PAQR3: variants seen among roughly 807,000 people sequenced by gnomAD.
PAQR3 encodes the protein Raf kinase trapping to Golgi.
Under a neutral mutation model 41.7 loss-of-function variants are expected in PAQR3, and 39 were observed. That is an observed-to-expected ratio of 0.93 (90% CI 0.72 to 1.22). PAQR3 has a LOEUF of 1.22. Ranked by LOEUF, PAQR3 falls within the 50% of genes most tolerant of loss-of-function variation. PAQR3 has a pLI of 0.00. For synonymous variants in PAQR3, 140 were observed against 140.6 expected, an observed-to-expected ratio of 1.00 and a Z score of 0.03; for missense variants, 366 against 385.6, an observed-to-expected ratio of 0.95 and a Z score of 0.42.
At chr4:78,898,598 AATC>A (rs575756375) in intron 11 of PAQR3, among the ~76,000 whole-genome samples, 521 of 150,632 alleles carry the variant, frequency 3.5e-3, no homozygotes, top group Non-Finnish European at 6.1e-3. Flanking sequence ...CTGTATATCT[AATC>A]ATATTCCTTT....
chr4:78,924,975 T>G (rs968680480), intron 4 of PAQR3, among the ~76,000 whole-genome samples: 4 of 152,172 alleles, frequency 2.6e-5, no homozygotes, highest in Non-Finnish European at 5.9e-5. Flanking sequence ...AACTTGATCT[T>G]GCCTCCCAAG....
At chr4:78,904,898 C>T (rs1018687154) in intron 11 of PAQR3, among the ~76,000 whole-genome samples, 29 of 151,610 alleles carry the variant, frequency 1.9e-4, no homozygotes, top group African/African-American at 6.8e-4. Context: ...GTTATAATTC[C>T]ATCTACAATA....
intron 1 of PAQR3, among the ~76,000 whole-genome samples, chr4:78,935,754 C>G (rs993209495): frequency 2.0e-5 from 3 of 152,202 alleles, no homozygotes; most frequent in Admixed American, 2.0e-4. Context: ...CAAGGTTAGG[C>G]ATCATCTTAA....
intron 5 of PAQR3, 29 bp from the exon 6 acceptor site, chr4:78,920,710 A>C: frequency 6.3e-7 from 1 of 1,588,152 alleles, no homozygotes; most frequent in Non-Finnish European, 8.6e-7. Flanking sequence ...GAAAATGATA[A>C]TGATTTCAAT....
In PAQR3 at chr4:78,919,696, G is replaced by A. The variant is rs576520890; in HGVS notation, c.*843C>T. 36 of 985,140 alleles carry A rather than the reference G, an allele frequency of 3.7e-5. No individual in the cohort carries two copies. Among genetic ancestry groups the A allele is most frequent in the Admixed American group, 1.2e-4 (2 of 16,206 alleles). 61.0% of individuals were successfully genotyped at this position (985,140 alleles called of 1,614,324 possible). A position where few individuals can be genotyped will look rare whatever the true frequency, so the allele number is the denominator to read the frequency against. ...TGGGATATTCAGGACTACAAATTCA[G>A]AGAGTTGAAAGCTCTGGAATTTTGG... On this transcript the variant is annotated 3_prime_UTR_variant, in exon 6 of 6. Transcript: ENST00000512733.
At chr4:78,931,388 T>C (rs1021560053) in intron 2 of PAQR3, among the ~76,000 whole-genome samples, 1 of 151,898 alleles carries the variant, frequency 6.6e-6, no homozygotes. Flanking sequence ...CAGAGTGAGA[T>C]CCTGTCTCAA....
chr4:78,899,962 G>C (rs1332470201), intron 11 of PAQR3, among the ~76,000 whole-genome samples: 1 of 152,144 alleles, frequency 6.6e-6, no homozygotes, highest in Non-Finnish European at 1.5e-5. Flanking sequence ...AAAATTATAT[G>C]ATGTGAGAGT....
rs1355897185 is a variant in PAQR3, at chr4:78,918,571, G to A, written c.*1968C>T. 4.1e-6 allele frequency: 4 copies of A among 974,684 alleles called. No homozygotes were observed. Among genetic ancestry groups the A allele is most frequent in the Non-Finnish European group, 4.9e-6 (4 of 820,014 alleles). 60.4% of individuals were successfully genotyped at this position (974,684 alleles called of 1,614,324 possible). A position where few individuals can be genotyped will look rare whatever the true frequency, so the allele number is the denominator to read the frequency against. On this transcript the variant is annotated 3_prime_UTR_variant, in exon 6 of 6. Transcript: ENST00000512733. Reference sequence around the variant, plus strand: ...AATAATTTTCCCTACAGAAAGACCTGTACACCCTTTAAATTCAAAGAAACA... The same window carrying A: ...AATAATTTTCCCTACAGAAAGACCTATACACCCTTTAAATTCAAAGAAACA...
chr4:78,923,351 C>CT (rs755568117), intron 5 of PAQR3, among the ~76,000 whole-genome samples: 1 of 151,402 alleles, frequency 6.6e-6, no homozygotes, highest in East Asian at 1.9e-4. Flanking sequence ...TATTATTATA[C>CT]TTTAAGTTCT....
chr4:78,888,356 C>T (rs1733218691), intron 11 of PAQR3, among the ~76,000 whole-genome samples: 1 of 152,062 alleles, frequency 6.6e-6, no homozygotes, highest in South Asian at 2.1e-4. Context: ...CCCCCAATAC[C>T]CTGGGTAATG....
chr4:78,905,158 C>A (rs1219114433), intron 11 of PAQR3, among the ~76,000 whole-genome samples: 2 of 151,452 alleles, frequency 1.3e-5, no homozygotes, highest in Non-Finnish European at 1.5e-5. Context: ...ATTGATTAAC[C>A]CTTTCGTTAA....
chr4:78,920,753 G>A (rs1164375081), intron 5 of PAQR3, 72 bp from the exon 6 acceptor site: 3 of 1,488,536 alleles, frequency 2.0e-6, no homozygotes, highest in Non-Finnish European at 2.7e-6. Context: ...ATATTTCTTG[G>A]AAGTATAGCT....
downstream of PAQR3, among the ~76,000 whole-genome samples, chr4:78,907,594 A>AT (rs1273627934): frequency 1.3e-5 from 2 of 152,352 alleles, no homozygotes; most frequent in South Asian, 2.1e-4. Flanking sequence ...TTACATGTAA[A>AT]TAAAAGGGTA....
chr4:78,932,972 A>T, intron 2 of PAQR3: 1 of 337,048 alleles, frequency 3.0e-6, no homozygotes, highest in Non-Finnish European at 6.0e-6. Flanking sequence ...TTCACATCGA[A>T]ACTCCTTGGC....
chr4:78,938,498 C>T (rs931302138), intron 1 of PAQR3, among the ~76,000 whole-genome samples: 6 of 152,146 alleles, frequency 3.9e-5, no homozygotes, highest in Admixed American at 3.9e-4. Flanking sequence ...GTGTAATTAT[C>T]TATTTAATGT....
At chr4:78,924,140 C>G (rs1160373086) in intron 4 of PAQR3, among the ~76,000 whole-genome samples, 193 bp from the exon 5 acceptor site, 1 of 152,122 alleles carries the variant, frequency 6.6e-6, no homozygotes, top group African/African-American at 2.4e-5. Flanking sequence ...CTCTAACGGT[C>G]AGGCTCCTAA....
downstream of PAQR3, chr4:78,911,787 A>T: frequency 1.2e-6 from 2 of 1,613,984 alleles, no homozygotes; most frequent in Non-Finnish European, 1.7e-6. Flanking sequence ...CAGACCTGTC[A>T]TGGCACCCTC....
In PAQR3 at chr4:78,919,173, T is replaced by G. The variant is rs75987156; in HGVS notation, c.*1366A>C. The G allele has an allele frequency of 1.1e-3, 1,063 of 985,134 alleles. 8 individuals are homozygous for G. The African/African-American group carries it at 0.017, about 16-fold the overall frequency. The allele number at this position is 985,134 out of a possible 1,614,324, so 61.0% of individuals were successfully genotyped here. ...AGTATCATATGCACAAAAGGCATTT[T>G]GGGAATAAGCTTCATCATCAATTAA... On this transcript the variant is annotated 3_prime_UTR_variant, in exon 6 of 6. Coordinates refer to ENST00000512733, the MANE Select transcript of PAQR3 (RefSeq NM_001040202.2).
chr4:78,907,627 T>G (rs1577983110), downstream of PAQR3, among the ~76,000 whole-genome samples: 2 of 152,298 alleles, frequency 1.3e-5, no homozygotes, highest in East Asian at 3.9e-4. Context: ...TGGGAAATCC[T>G]AGGGTTCATA....
Sources: allele counts gnomAD v4.1 joint callset (sites outside exome capture counted in the v4.1 genomes callset), GRCh38; gene constraint gnomAD v4.1.1; transcripts MANE v1.5; gene names NCBI Gene and HGNC (gene_info 2026-07-23, HGNC 2026-07-21).